The following NFRKB variants were observed in gnomAD, a reference collection of about 807,000 sequenced individuals.
The protein encoded by NFRKB is nuclear factor related to kappa-B-binding protein.
In NFRKB, 62 loss-of-function variants were observed where a neutral mutation model predicts 135.7. The ratio of observed to expected loss-of-function variants is 0.46; its 90% CI spans 0.37 to 0.56. NFRKB has a LOEUF of 0.56. Ranked by LOEUF, NFRKB falls within the 20% of genes least tolerant of loss-of-function variation. The probability of loss-of-function intolerance (pLI) is 0.00; values close to 1 mark genes in which losing one functional copy is unlikely to be tolerated. For missense variants in NFRKB, 1,545 were observed against 1,662.0 expected (o/e 0.93, Z 1.22); for synonymous variants, 678 against 635.6 (o/e 1.07, Z -1.00).
chr11:129,879,817 CTCTGG>C (rs1948944680), intron 13 of NFRKB, among the ~76,000 whole-genome samples: 1 of 152,212 alleles, frequency 6.6e-6, no homozygotes, highest in Non-Finnish European at 1.5e-5. Flanking sequence ...CCCTTAAACT[CTCTGG>C]TCTGAATTCT....
chr11:129,865,059 T>C lies in NFRKB; in HGVS notation c.3681A>G (p.Pro1227=), dbSNP rs1565383342. The change falls in exon 26 of 27, where the codon CCA becomes CCG. Residue 1227 remains proline (P), a synonymous_variant. Transcript: ENST00000682444. ...TGCCAGCAATGAGCTTAGTGCCTGCTGGCATAGTTGTGAGGATGATGTTGC... is the reference window on the plus strand; with the variant it reads ...TGCCAGCAATGAGCTTAGTGCCTGCCGGCATAGTTGTGAGGATGATGTTGC... The part of the protein sequence containing the change: ...LGRNIILTTM[P]AGTKLIAGNK... 6.2e-7 allele frequency: 1 copy of C among 1,612,300 alleles called. No homozygotes were observed. Among genetic ancestry groups the C allele is most frequent in the Admixed American group, 1.7e-5 (1 of 60,028 alleles).
intron 13 of NFRKB, among the ~76,000 whole-genome samples, chr11:129,880,056 G>C (rs573082613): frequency 6.6e-6 from 1 of 152,040 alleles, no homozygotes; most frequent in Non-Finnish European, 1.5e-5. Flanking sequence ...GCATGGTTGC[G>C]TACGCCTGTG....
At chr11:129,887,813 A>G (rs898337864) in intron 4 of NFRKB, among the ~76,000 whole-genome samples, 9 of 152,314 alleles carry the variant, frequency 5.9e-5, no homozygotes, top group East Asian at 1.9e-4. Context: ...CGAGGCGGGC[A>G]GATCACGAGG....
In NFRKB at chr11:129,873,095, G is replaced by A. The variant is rs1948593582; in HGVS notation, c.2552C>T (p.Thr851Ile). ...TTTGACGGGCACAGTGGCCATTACT[G>A]TCTAGTTGAGGGCATGAGGCCAAGA... ...TATQTKVVPQ[T>I]VMATVPVKAQ... Residue 851 changes from threonine (T) to isoleucine (I), a missense_variant and splice_region_variant, in exon 23 of 27, where the codon ACA becomes ATA. Physicochemically the swap from Thr to Ile is moderately conservative, Grantham distance 89. Coordinates refer to ENST00000682444, the MANE Select transcript of NFRKB (RefSeq NM_001143835.2). 2 of 1,597,732 alleles carry A rather than the reference G, an allele frequency of 1.3e-6. No individual in the cohort carries two copies. Among genetic ancestry groups the A allele is most frequent in the Non-Finnish European group, 1.7e-6 (2 of 1,170,290 alleles).
intron 13 of NFRKB, among the ~76,000 whole-genome samples, chr11:129,880,217 T>G (rs1948963856): frequency 6.6e-6 from 1 of 151,834 alleles, no homozygotes; most frequent in African/African-American, 2.4e-5. Context: ...TAAATAAATT[T>G]TAAAAACTAA....
chr11:129,885,577 G>T lies in NFRKB; in HGVS notation c.498C>A (p.Pro166=). 1 of 1,612,926 alleles carries T rather than the reference G, an allele frequency of 6.2e-7. No homozygotes were observed. The highest frequency in any genetic ancestry group is 8.5e-7 in the Non-Finnish European group (1 of 1,179,052). Reference sequence around the variant, plus strand: ...GGCGTTTCTGCCGGAAGGGAAGGGCGGGGCCACTCCGCCGGGCCATCTCCA... The same window carrying T: ...GGCGTTTCTGCCGGAAGGGAAGGGCTGGGCCACTCCGCCGGGCCATCTCCA... The part of the protein sequence containing the change: ...DLLEMARRSG[P]ALPFRQKRPS... The change falls in exon 6 of 27, where the codon CCC becomes CCA. Residue 166 remains proline (P), a synonymous_variant. Transcript: ENST00000682444.
At chr11:129,868,471 T>C (rs1948317463) in intron 24 of NFRKB, among the ~76,000 whole-genome samples, 1 of 152,168 alleles carries the variant, frequency 6.6e-6, no homozygotes, top group Non-Finnish European at 1.5e-5. Flanking sequence ...ACAGGAGGCG[T>C]GCTGATGGGG....
At chr11:129,865,840 C>A in intron 25 of NFRKB, 37 bp downstream of exon 25, 2 of 1,598,792 alleles carry the variant, frequency 1.3e-6, no homozygotes, top group South Asian at 2.2e-5. Context: ...CCACCTCCAC[C>A]CCCGAATTGG....
Position 129,876,711 on chromosome 11 carries a change from T to C in NFRKB, c.1747+10A>G, listed in dbSNP as rs746749189. 2.5e-6 allele frequency: 4 copies of C among 1,610,310 alleles called. No homozygotes were observed. The highest frequency in any genetic ancestry group is 2.5e-6 in the Non-Finnish European group (3 of 1,177,842). ...AAAGGGATCTCTGATAATCGACACGTGCCACCTACCAAGAGACAGAATGGT... is the reference window on the plus strand; with the variant it reads ...AAAGGGATCTCTGATAATCGACACGCGCCACCTACCAAGAGACAGAATGGT... On this transcript the variant is annotated intron_variant, in intron 17 of 26. Coordinates refer to ENST00000682444, the MANE Select transcript of NFRKB (RefSeq NM_001143835.2).
intron 4 of NFRKB, chr11:129,888,379 G>A (rs1267329273): frequency 1.5e-6 from 1 of 684,530 alleles, no homozygotes; most frequent in Non-Finnish European, 2.6e-6. Context: ...CTGGTTACAA[G>A]CTGAATTCAT....
chr11:129,885,663 C>T (rs559006332), intron 5 of NFRKB, 54 bp from the exon 6 acceptor site: 8 of 1,511,876 alleles, frequency 5.3e-6, no homozygotes, highest in Non-Finnish European at 7.2e-6. Context: ...TGTTCTGGAA[C>T]AATGAACACT....
In NFRKB at chr11:129,884,157, C is replaced by G; in HGVS notation, c.743-14G>C. The G allele has an allele frequency of 6.2e-7, 1 of 1,612,362 alleles. No homozygotes were observed. The highest frequency in any genetic ancestry group is 8.5e-7 in the Non-Finnish European group (1 of 1,178,480). ...GTTCTACTTTATCTGAGAAAACAAACCAAACCATATTCACTATCATGATTC... is the reference window on the plus strand; with the variant it reads ...GTTCTACTTTATCTGAGAAAACAAAGCAAACCATATTCACTATCATGATTC... On this transcript the variant is annotated splice_polypyrimidine_tract_variant and intron_variant, in intron 7 of 26. Transcript: ENST00000682444.
rs769206043 is a variant in NFRKB, at chr11:129,881,716, G to A, written c.1318+11C>T. ...GGAAAAATACTGACCCTACAAAAAA[G>A]AGCATCTTACCTCGACTTTCTCCAG... On this transcript the variant is annotated intron_variant, in intron 12 of 26. Coordinates refer to ENST00000682444, the MANE Select transcript of NFRKB (RefSeq NM_001143835.2). 11 of 1,613,514 alleles carry A rather than the reference G, an allele frequency of 6.8e-6. No individual in the cohort carries two copies. In the East Asian group the frequency reaches 2.2e-4, roughly 33 times the overall value.
In NFRKB at chr11:129,875,339, A is replaced by T. The variant is rs755765989; in HGVS notation, c.1854+18T>A. 2.5e-6 allele frequency: 4 copies of T among 1,582,492 alleles called. No homozygotes were observed. Among genetic ancestry groups the T allele is most frequent in the Non-Finnish European group, 3.5e-6 (4 of 1,157,044 alleles). ...TCCATTCTGGAACAAAGCAAAAGTA[A>T]TCTCTTCTCCGTCCTACCTGAGTGC... is the stretch of plus-strand genomic sequence containing the variant. On this transcript the variant is annotated intron_variant, in intron 18 of 26. Coordinates refer to ENST00000682444, the MANE Select transcript of NFRKB (RefSeq NM_001143835.2).
chr11:129,893,406 A>AAAAAAAAC, intron 2 of NFRKB: 1 of 389,944 alleles, frequency 2.6e-6, no homozygotes. Context: ...AAAAAAAAAA[A>AAAAAAAAC]AAAATCAGCC....
At chr11:129,888,925 T>C in intron 3 of NFRKB, 130 bp from the exon 4 acceptor site, 1 of 631,638 alleles carries the variant, frequency 1.6e-6, no homozygotes, top group Non-Finnish European at 2.7e-6. Context: ...TAGACTTCAG[T>C]GGCCTTAAGT....
chr11:129,887,195 A>G (rs1372619571), intron 4 of NFRKB, among the ~76,000 whole-genome samples: 1 of 152,156 alleles, frequency 6.6e-6, no homozygotes, highest in Non-Finnish European at 1.5e-5. Context: ...GAGTGGCCCA[A>G]AGCATTTTGC....
Position 129,866,352 on chromosome 11 carries a change from A to G in NFRKB, c.3532-369T>C, listed in dbSNP as rs947704816. Among the ~76,000 whole-genome samples the G allele has an allele frequency of 3.4e-4, 52 of 152,116 alleles. 1 individual carries two copies. The highest frequency in any genetic ancestry group is 7.3e-5 in the Non-Finnish European group (5 of 68,030). On this transcript the variant is annotated intron_variant, in intron 24 of 26. Transcript: ENST00000682444. ...ACAGAGGCTTATCTCTGTATCCCTC[A>G]GTACATGGCACAGTGCTGGGCACAC...
Position 129,864,856 on chromosome 11 carries a change from T to G in NFRKB, c.3775-6A>C. The stretch of plus-strand genomic sequence containing the variant: ...GGGACAGTCTGGATGCGCACCTGTT[T>G]GCAAAGACAGAAGGTCAGGTCAATG... On this transcript the variant is annotated splice_polypyrimidine_tract_variant and splice_region_variant and intron_variant, in intron 26 of 26. Transcript: ENST00000682444. The G allele has an allele frequency of 6.2e-7, 1 of 1,614,154 alleles. No homozygotes were observed. Among genetic ancestry groups the G allele is most frequent in the Non-Finnish European group, 8.5e-7 (1 of 1,179,994 alleles).
Sources: allele counts gnomAD v4.1 joint callset (sites outside exome capture counted in the v4.1 genomes callset), GRCh38; gene constraint gnomAD v4.1.1; transcripts MANE v1.5; gene names NCBI Gene and HGNC (gene_info 2026-07-23, HGNC 2026-07-21).